The following PARP8 variants were observed in gnomAD, a reference collection of about 807,000 sequenced individuals.
The protein encoded by PARP8 is poly(ADP-ribose) polymerase family member 8, also known as protein mono-ADP-ribosyltransferase PARP8.
PARP8 carries 51 observed loss-of-function variants against 124.1 expected under a neutral mutation model. The observed-to-expected ratio is 0.41, with a 90% CI of 0.33 to 0.52. The LOEUF is 0.52. Among genes scored for constraint, PARP8 ranks in the 20% least tolerant of loss-of-function variants. The pLI, the probability that PARP8 is intolerant of heterozygous loss-of-function variation, is 0.21. For synonymous variants in PARP8, 391 were observed against 361.5 expected (o/e 1.08, Z -0.93); for missense variants, 860 against 1,018.9 (o/e 0.84, Z 2.12).
intron 2 of PARP8, among the ~76,000 whole-genome samples, chr5:50,747,154 G>GTTTTTTTT (rs370243477): frequency 8.2e-6 from 1 of 121,918 alleles, no homozygotes; most frequent in African/African-American, 3.3e-5. Context: ...TTTTTTGTTT[G>GTTTTTTTT]TTTGTTTTGT....
intron 6 of PARP8, among the ~76,000 whole-genome samples, chr5:50,762,393 T>A (rs563115935): frequency 2.0e-5 from 3 of 152,226 alleles, no homozygotes; most frequent in South Asian, 4.1e-4. Flanking sequence ...AATTTAAATA[T>A]ATGAGAATAG....
At chr5:50,676,315 A>G (rs895756342) in intron 2 of PARP8, among the ~76,000 whole-genome samples, 6 of 152,274 alleles carry the variant, frequency 3.9e-5, no homozygotes, top group Admixed American at 2.6e-4. Context: ...TTTTTATAGA[A>G]GTTGCTTTAT....
In PARP8 at chr5:50,774,964, G is replaced by A. The variant is rs535769033; in HGVS notation, c.519-3105G>A. 1.1e-4 allele frequency among the ~76,000 whole-genome samples: 16 copies of A among 150,058 alleles called. No homozygotes were observed. In the East Asian group the frequency reaches 1.4e-3, roughly 13 times the overall value. ...GCGCTCCCCACTTCCCAGACGGGGC[G>A]GCCGGCCAGAGGCGCTCTTCACATC... On this transcript the variant is annotated intron_variant, in intron 7 of 25. Coordinates refer to ENST00000281631, the MANE Select transcript of PARP8 (RefSeq NM_024615.4).
chr5:50,766,811 C>T (rs116497786), intron 7 of PARP8, among the ~76,000 whole-genome samples: 68 of 151,972 alleles, frequency 4.5e-4, no homozygotes, highest in Non-Finnish European at 8.1e-4. Flanking sequence ...GCTTAAGGAA[C>T]GTATATCACG....
chr5:50,776,061 TCC>T (rs1283615707), intron 7 of PARP8, among the ~76,000 whole-genome samples: 1 of 152,218 alleles, frequency 6.6e-6, no homozygotes, highest in African/African-American at 2.4e-5. Flanking sequence ...TGTGTTATGT[TCC>T]TTCTATAGCT....
intron 2 of PARP8, among the ~76,000 whole-genome samples, chr5:50,692,952 G>A (rs1227256535): frequency 1.3e-5 from 2 of 152,060 alleles, no homozygotes; most frequent in Non-Finnish European, 2.9e-5. Flanking sequence ...TTTTTTATCT[G>A]TGTTTCCAAA....
intron 2 of PARP8, among the ~76,000 whole-genome samples, chr5:50,671,440 A>G (rs1253987391): frequency 6.6e-6 from 1 of 152,140 alleles, no homozygotes. Context: ...ACTTTCAGCC[A>G]GGAATGTATT....
At chr5:50,681,657 A>G (rs774210455) in intron 2 of PARP8, among the ~76,000 whole-genome samples, 7 of 152,186 alleles carry the variant, frequency 4.6e-5, no homozygotes, top group Non-Finnish European at 8.8e-5. Context: ...GTTGTAGAGG[A>G]GACTCAAGAA....
chr5:50,687,732 G>A (rs766592968), intron 2 of PARP8, among the ~76,000 whole-genome samples: 23 of 152,114 alleles, frequency 1.5e-4, no homozygotes, highest in Admixed American at 1.3e-4. Flanking sequence ...GCTTGTGCAG[G>A]AAAACTCCCC....
rs567580437 is a variant in PARP8 at position 50,814,321 on chromosome 5, CAAGTT to C, written c.1576-1108_1576-1104del. Among the ~76,000 whole-genome samples the C allele has an allele frequency of 3.2e-4, 48 of 151,762 alleles. No homozygotes were observed. In the South Asian group the frequency reaches 7.1e-3, roughly 22 times the overall value. ...TTGGAGAAGATTAAAAGTAAACACT[CAAGTT>C]AAAGGAAAAGTTGTTGAAATTGAAC... is the stretch of plus-strand genomic sequence containing the variant. On this transcript the variant is annotated intron_variant, in intron 14 of 25. Coordinates refer to ENST00000281631, the MANE Select transcript of PARP8 (RefSeq NM_024615.4).
intron 2 of PARP8, among the ~76,000 whole-genome samples, chr5:50,719,480 T>A (rs542243029): frequency 6.6e-6 from 1 of 152,192 alleles, no homozygotes; most frequent in African/African-American, 2.4e-5. Flanking sequence ...AAGTCTTTAA[T>A]TCATTTCGAT....
intron 2 of PARP8, among the ~76,000 whole-genome samples, chr5:50,738,308 C>T (rs746441672): frequency 5.9e-5 from 9 of 152,178 alleles, no homozygotes; most frequent in Admixed American, 2.0e-4. Flanking sequence ...AAAACCTGTG[C>T]GCTTGCAGTT....
At chr5:50,810,567 T>C (rs937703714) in intron 14 of PARP8, among the ~76,000 whole-genome samples, 1 of 152,044 alleles carries the variant, frequency 6.6e-6, no homozygotes, top group African/African-American at 2.4e-5. Flanking sequence ...AGTGATTCAG[T>C]TTCTCTTCCT....
intron 2 of PARP8, among the ~76,000 whole-genome samples, chr5:50,733,614 C>G (rs1030843211): frequency 6.6e-6 from 1 of 152,036 alleles, no homozygotes; most frequent in East Asian, 1.9e-4. Context: ...GGACAGAAAT[C>G]GTGGTTGAAT....
At chr5:50,791,243 T>C (rs1741920307) in intron 10 of PARP8, among the ~76,000 whole-genome samples, 1 of 152,248 alleles carries the variant, frequency 6.6e-6, no homozygotes, top group African/African-American at 2.4e-5. Flanking sequence ...GTACGTATTA[T>C]ATGTCATGCA....
chr5:50,694,268 T>C (rs949040716), intron 2 of PARP8, among the ~76,000 whole-genome samples: 9 of 152,346 alleles, frequency 5.9e-5, no homozygotes, highest in African/African-American at 2.2e-4. Context: ...CTGCCAGTAC[T>C]CTCATGACTT....
intron 2 of PARP8, among the ~76,000 whole-genome samples, chr5:50,712,895 G>A (rs1436507001): frequency 6.6e-6 from 1 of 151,482 alleles, no homozygotes; most frequent in Non-Finnish European, 1.5e-5. Context: ...ATTGTGTTTA[G>A]GAGATTTTTT....
intron 2 of PARP8, among the ~76,000 whole-genome samples, chr5:50,743,365 A>G: frequency 6.6e-6 from 1 of 152,040 alleles, no homozygotes; most frequent in Non-Finnish European, 1.5e-5. Flanking sequence ...AATGATGATG[A>G]ACATGAAAGT....
chr5:50,814,393 T>C (rs548614790), intron 14 of PARP8, among the ~76,000 whole-genome samples: 1 of 152,192 alleles, frequency 6.6e-6, no homozygotes, highest in Non-Finnish European at 1.5e-5. Context: ...GCAGAGTGTG[T>C]ATAGCTTGAA....
Sources: gnomAD v4.1 joint callset for allele counts (sites outside exome capture counted in the v4.1 genomes callset) on GRCh38, gnomAD v4.1.1 for gene constraint, MANE v1.5 for transcripts, NCBI Gene and HGNC (gene_info 2026-07-23, HGNC 2026-07-21) for gene names.